The following LMNTD1 variants were observed in gnomAD, a reference collection of about 807,000 sequenced individuals.
LMNTD1 encodes lamin tail domain containing 1, also known as lamin tail domain-containing protein 1.
In LMNTD1, 35 loss-of-function variants were observed where a neutral mutation model predicts 50.9. That is an observed-to-expected ratio of 0.69 (90% confidence interval 0.53 to 0.91). LMNTD1 has a LOEUF of 0.91. Among genes scored for constraint, LMNTD1 ranks in the 40% least tolerant of loss-of-function variants. The probability of loss-of-function intolerance (pLI) is 0.00; values close to 1 mark genes in which losing one functional copy is unlikely to be tolerated. For synonymous variants in LMNTD1, 153 were observed against 161.9 expected, an observed-to-expected ratio of 0.94 and a Z score of 0.42; for missense variants, 470 against 475.5, an observed-to-expected ratio of 0.99 and a Z score of 0.11.
chr12:25,517,707 GAATAATAATAAT>G (rs71851020), intron 8 of LMNTD1, among the ~76,000 whole-genome samples: 133 of 139,256 alleles, frequency 9.6e-4, no homozygotes, highest in Admixed American at 2.5e-3. Context: ...TAAAGTGTAA[GAATAATAATAAT>G]AATAATAATA....
At chr12:25,645,490 C>T (rs1403414118) in intron 1 of LMNTD1, among the ~76,000 whole-genome samples, 2 of 152,094 alleles carry the variant, frequency 1.3e-5, no homozygotes, top group African/African-American at 4.8e-5. Flanking sequence ...TTCACTGCAG[C>T]CTTTAAAAAA....
In LMNTD1 at chr12:25,542,284, C is replaced by T. The variant is rs573687958; in HGVS notation, c.491+4090G>A. Among the ~76,000 whole-genome samples, 511 of 151,914 alleles carry T rather than the reference C, an allele frequency of 3.4e-3. 4 individuals carry two copies. Among genetic ancestry groups the T allele is most frequent in the African/African-American group, 0.012 (494 of 41,384 alleles). Reference sequence around the variant, plus strand: ...GACACATGCACGTGTATGTTTATTGCGGCATTATTCACAATAGCAAAGACT... The same window carrying T: ...GACACATGCACGTGTATGTTTATTGTGGCATTATTCACAATAGCAAAGACT... On this transcript the variant is annotated intron_variant, in intron 4 of 9. Coordinates refer to ENST00000458174, the MANE Select transcript of LMNTD1 (RefSeq NM_001145728.2).
intron 1 of LMNTD1, among the ~76,000 whole-genome samples, chr12:25,607,877 C>T (rs1323658498): frequency 6.6e-6 from 1 of 152,098 alleles, no homozygotes; most frequent in Non-Finnish European, 1.5e-5. Flanking sequence ...GAGTTCAGGT[C>T]CTGGATATCC....
At chr12:25,575,527 A>G (rs1184566196) in intron 1 of LMNTD1, among the ~76,000 whole-genome samples, 1 of 152,150 alleles carries the variant, frequency 6.6e-6, no homozygotes, top group African/African-American at 2.4e-5. Flanking sequence ...TCATCTTAGA[A>G]CTAATGCTGT....
rs968839382 is a variant in LMNTD1 at position 25,553,252 on chromosome 12, C to A, written c.-214G>T. 2 of 1,462,884 alleles carry A rather than the reference C, an allele frequency of 1.4e-6. No individual in the cohort carries two copies. The highest frequency in any genetic ancestry group is 1.4e-5 in the African/African-American group (1 of 69,996). 90.6% of individuals were successfully genotyped at this position (1,462,884 alleles called of 1,614,324 possible). A position where few individuals can be genotyped will look rare whatever the true frequency, so the allele number is the denominator to read the frequency against. On this transcript the variant is annotated 5_prime_UTR_variant, in exon 1 of 10. Transcript: ENST00000458174. Reference sequence around the variant, plus strand: ...ATTCACTGGAAGCAGCTTGAGAGGGCAGTAACTTGGCAAAGAGACCTTTAT... The same window carrying A: ...ATTCACTGGAAGCAGCTTGAGAGGGAAGTAACTTGGCAAAGAGACCTTTAT...
rs377538662 is a variant in LMNTD1, at chr12:25,627,746, A to G, written c.58+20748T>C. 3.3e-5 allele frequency among the ~76,000 whole-genome samples: 5 copies of G among 152,378 alleles called. No homozygotes were observed. In the South Asian group the frequency reaches 1.0e-3, roughly 32 times the overall value. ...TGGTAATAACTACATTTTATTGCAC[A>G]TATTCATGAACATGAATTAAATTAA... On this transcript the variant is annotated intron_variant, in intron 1 of 7. Transcript: ENST00000445693.
chr12:25,566,574 C>A (rs1944567181), intron 1 of LMNTD1, among the ~76,000 whole-genome samples: 1 of 152,252 alleles, frequency 6.6e-6, no homozygotes, highest in East Asian at 1.9e-4. Flanking sequence ...TACATTCCCA[C>A]CAGCATGAGC....
chr12:25,562,966 T>C (rs1944399362), intron 1 of LMNTD1, among the ~76,000 whole-genome samples: 1 of 152,232 alleles, frequency 6.6e-6, no homozygotes, highest in Admixed American at 6.5e-5. Flanking sequence ...GTAGTTCTCG[T>C]GCCATGGTTT....
At chr12:25,646,647 T>C (rs1320955481) in intron 1 of LMNTD1, among the ~76,000 whole-genome samples, 1 of 152,138 alleles carries the variant, frequency 6.6e-6, no homozygotes, top group African/African-American at 2.4e-5. Context: ...CCTGGGAGTA[T>C]GCAGAAAGGA....
chr12:25,610,380 T>A (rs1946214290), intron 1 of LMNTD1, among the ~76,000 whole-genome samples: 1 of 152,102 alleles, frequency 6.6e-6, no homozygotes, highest in Non-Finnish European at 1.5e-5. Context: ...ATGAACCAGG[T>A]ACCTCAGTTG....
rs1023731492 is a variant in LMNTD1 at position 25,489,489 on chromosome 12, C to A, written c.*23-13029G>T. On this transcript the variant is annotated intron_variant, in intron 9 of 9. Transcript: ENST00000458174. ...CAATGCCTCGCCCTGCTTTGGCTCG[C>A]GCACGGTGCGCGCACCCGCTGACCT... Among the ~76,000 whole-genome samples, 22 of 142,396 alleles carry A rather than the reference C, an allele frequency of 1.5e-4. 2 individuals carry two copies. Among genetic ancestry groups the A allele is most frequent in the Non-Finnish European group, 2.8e-4 (18 of 64,804 alleles). The allele number at this position is 142,396 out of a possible 152,430, so 93.4% of individuals were successfully genotyped here.
intron 1 of LMNTD1, among the ~76,000 whole-genome samples, chr12:25,559,200 CCCA>C (rs1944175470): frequency 6.6e-6 from 1 of 152,028 alleles, no homozygotes; most frequent in Admixed American, 6.6e-5. Context: ...CCCCCCTGCC[CCCA>C]CCCCATGAAA....
At chr12:25,540,679 C>T (rs374600285) in intron 4 of LMNTD1, among the ~76,000 whole-genome samples, 10,155 of 137,902 alleles carry the variant, frequency 0.074, 360 homozygotes, top group East Asian at 0.15. Context: ...ACAGGGATGC[C>T]CTCTCTCACC....
At chr12:25,647,223 C>T (rs902853199) in intron 1 of LMNTD1, among the ~76,000 whole-genome samples, 3 of 152,190 alleles carry the variant, frequency 2.0e-5, no homozygotes, top group African/African-American at 7.2e-5. Flanking sequence ...TGGCTGGGTG[C>T]AGTGGCTCAT....
At chr12:25,544,266 AT>A (rs1317448703) in intron 4 of LMNTD1, among the ~76,000 whole-genome samples, 1 of 151,904 alleles carries the variant, frequency 6.6e-6, no homozygotes, top group African/African-American at 2.4e-5. Context: ...GTGTACAGAT[AT>A]TTATAATTAT....
At chr12:25,482,069 A>G (rs1938464675) in intron 9 of LMNTD1, among the ~76,000 whole-genome samples, 1 of 151,928 alleles carries the variant, frequency 6.6e-6, no homozygotes, top group Non-Finnish European at 1.5e-5. Context: ...AATTTGGAAA[A>G]CATTTCAGGA....
rs1362930650 is a variant in LMNTD1 at position 25,518,880 on chromosome 12, C to A, written c.1104G>T (p.Leu368=). ...PYVSAHPYCP[L]IEPHNTSTAG... Reference sequence around the variant, plus strand: ...CGGTGGATGTATTGTGTGGTTCAATCAGAGGACAGTAAGGATGTGCAGAGA... The same window carrying A: ...CGGTGGATGTATTGTGTGGTTCAATAAGAGGACAGTAAGGATGTGCAGAGA... Residue 368 remains leucine (L), a synonymous_variant, in exon 8 of 10, where the codon CTG becomes CTT. Coordinates refer to ENST00000458174, the MANE Select transcript of LMNTD1 (RefSeq NM_001145728.2). 2.5e-6 allele frequency: 4 copies of A among 1,614,078 alleles called. 1 individual carries two copies. In the South Asian group the frequency reaches 3.3e-5, roughly 13 times the overall value.
chr12:25,538,646 T>C (rs1390845909), intron 4 of LMNTD1, among the ~76,000 whole-genome samples: 3 of 137,000 alleles, frequency 2.2e-5, no homozygotes, highest in Non-Finnish European at 4.8e-5. Flanking sequence ...CCATTGAGAC[T>C]AGGAAGAAAC....
chr12:25,595,271 A>G (rs1945819387), intron 1 of LMNTD1, among the ~76,000 whole-genome samples: 1 of 152,174 alleles, frequency 6.6e-6, no homozygotes, highest in African/African-American at 2.4e-5. Context: ...CAACCACAGA[A>G]TATACATTCT....
Sources: allele counts gnomAD v4.1 joint callset (sites outside exome capture counted in the v4.1 genomes callset), GRCh38; gene constraint gnomAD v4.1.1; transcripts MANE v1.5; gene names NCBI Gene and HGNC (gene_info 2026-07-23, HGNC 2026-07-21).